The following ARHGAP26 variants were observed in gnomAD, a reference collection of about 807,000 sequenced individuals.
The protein encoded by ARHGAP26 is Rho GTPase activating protein 26.
Under a neutral mutation model 104.8 loss-of-function variants are expected in ARHGAP26, and 38 were observed. The ratio of observed to expected loss-of-function variants is 0.36; its 90% CI spans 0.28 to 0.48. The LOEUF is 0.48. ARHGAP26 is among the 20% of genes least tolerant of loss of function. The pLI is 0.99. For synonymous variants in ARHGAP26, 341 were observed against 340.0 expected, an observed-to-expected ratio of 1.00 and a Z score of -0.03; for missense variants, 704 against 947.9, an observed-to-expected ratio of 0.74 and a Z score of 3.38.
At chr5:142,786,285 A>C (rs1407546306) in intron 1 of ARHGAP26, among the ~76,000 whole-genome samples, 1 of 151,730 alleles carries the variant, frequency 6.6e-6, no homozygotes, top group African/African-American at 2.4e-5. Context: ...TTTGGCCCTA[A>C]TACATTTTTT....
chr5:142,841,868 G>A (rs1225361829), intron 1 of ARHGAP26, among the ~76,000 whole-genome samples: 2 of 152,224 alleles, frequency 1.3e-5, no homozygotes, highest in Non-Finnish European at 2.9e-5. Flanking sequence ...GGGAGGTCCT[G>A]TTGCAGAATT....
chr5:143,027,755 A>G (rs1781273971), intron 12 of ARHGAP26, among the ~76,000 whole-genome samples: 1 of 152,196 alleles, frequency 6.6e-6, no homozygotes, highest in Admixed American at 6.5e-5. Context: ...TCCAGCAGGG[A>G]ATGTGGTATA....
At chr5:142,914,689 G>A (rs980868162) in intron 10 of ARHGAP26, among the ~76,000 whole-genome samples, 3 of 152,168 alleles carry the variant, frequency 2.0e-5, no homozygotes, top group Non-Finnish European at 4.4e-5. Flanking sequence ...AAGAAGAATA[G>A]CATGGGTGTG....
At chr5:142,822,646 G>A (rs1009776863) in intron 1 of ARHGAP26, among the ~76,000 whole-genome samples, 1 of 151,986 alleles carries the variant, frequency 6.6e-6, no homozygotes, top group African/African-American at 2.4e-5. Context: ...CTCACCATGT[G>A]TGTGTATGCA....
chr5:143,215,868 G>A (rs1810267711), intron 22 of ARHGAP26, among the ~76,000 whole-genome samples: 2 of 152,154 alleles, frequency 1.3e-5, no homozygotes, highest in African/African-American at 4.8e-5. Context: ...TCAGTAGATG[G>A]GCACGTTGTT....
In ARHGAP26 at chr5:142,901,964, T is replaced by G. The variant is rs1283535545; in HGVS notation, c.627T>G (p.Thr209=). 1 of 1,614,038 alleles carries G rather than the reference T, an allele frequency of 6.2e-7. No homozygotes were observed. Residue 209 remains threonine, a synonymous_variant, in exon 7 of 23, where the codon ACT becomes ACG. Transcript: ENST00000645722. The part of the protein sequence containing the change: ...PLLAFLQGLF[T]FYHHGYELAK... Reference sequence around the variant, plus strand: ...TGGCCTTCCTGCAAGGACTCTTCACTTTCTATCACCATGGTTACGAACTGG... The same window carrying G: ...TGGCCTTCCTGCAAGGACTCTTCACGTTCTATCACCATGGTTACGAACTGG...
chr5:142,839,878 G>A (rs1193634636), intron 1 of ARHGAP26, among the ~76,000 whole-genome samples: 1 of 136,676 alleles, frequency 7.3e-6, no homozygotes, highest in African/African-American at 2.7e-5. Flanking sequence ...TTTGTGTTGC[G>A]ACAGAGAGAG....
chr5:142,847,297 C>G (rs541840085), intron 1 of ARHGAP26, among the ~76,000 whole-genome samples: 160 of 152,112 alleles, frequency 1.1e-3, no homozygotes, highest in African/African-American at 3.5e-3. Flanking sequence ...ATATACAGAA[C>G]CTGAGCCTTG....
intron 17 of ARHGAP26, among the ~76,000 whole-genome samples, chr5:143,101,674 A>T (rs1255181590): frequency 6.6e-6 from 1 of 151,254 alleles, no homozygotes; most frequent in African/African-American, 2.4e-5. Flanking sequence ...ACAGACACAC[A>T]CACTGTTGCC....
At chr5:143,029,020 G>A (rs1048720688) in intron 12 of ARHGAP26, among the ~76,000 whole-genome samples, 1 of 152,182 alleles carries the variant, frequency 6.6e-6, no homozygotes, top group Non-Finnish European at 1.5e-5. Context: ...TCTGAGAGCT[G>A]CTATCATGAG....
chr5:142,861,843 G>C (rs184735939), intron 1 of ARHGAP26, among the ~76,000 whole-genome samples: 5 of 152,134 alleles, frequency 3.3e-5, no homozygotes, highest in African/African-American at 9.7e-5. Context: ...GATTTTGAAC[G>C]CTGGGAGTCT....
At chr5:142,899,133 C>T (rs1398381222) in intron 6 of ARHGAP26, among the ~76,000 whole-genome samples, 2 of 152,218 alleles carry the variant, frequency 1.3e-5, no homozygotes, top group African/African-American at 4.8e-5. Flanking sequence ...TTTCTAAGGA[C>T]ACCAGCTATG....
intron 11 of ARHGAP26, among the ~76,000 whole-genome samples, chr5:143,002,374 A>G (rs886287460): frequency 8.9e-6 from 1 of 112,250 alleles, no homozygotes; most frequent in Non-Finnish European, 1.8e-5. Context: ...TTCCAAAAAC[A>G]CTGGGTTGGG....
intron 5 of ARHGAP26, among the ~76,000 whole-genome samples, chr5:142,892,383 C>A (rs776775722): frequency 6.6e-6 from 1 of 151,826 alleles, no homozygotes; most frequent in Non-Finnish European, 1.5e-5. Context: ...CCAGCTCTGC[C>A]GTATACTAGC....
At chr5:142,787,220 C>T (rs183783347) in intron 1 of ARHGAP26, among the ~76,000 whole-genome samples, 3 of 152,252 alleles carry the variant, frequency 2.0e-5, no homozygotes, top group East Asian at 3.9e-4. Flanking sequence ...GACCTGATGA[C>T]AGTGTCAAGT....
chr5:142,831,254 G>T (rs1037493191), intron 1 of ARHGAP26, among the ~76,000 whole-genome samples: 1 of 152,074 alleles, frequency 6.6e-6, no homozygotes, highest in Non-Finnish European at 1.5e-5. Context: ...TCTCTGCCTC[G>T]TTCAGGTGCT....
At chr5:142,784,478 G>A (rs1191343360) in intron 1 of ARHGAP26, among the ~76,000 whole-genome samples, 2 of 152,158 alleles carry the variant, frequency 1.3e-5, no homozygotes, top group African/African-American at 4.8e-5. Flanking sequence ...CTTAAATTTT[G>A]CTTGTTTTCC....
chr5:142,847,647 G>A (rs1232181931), intron 1 of ARHGAP26, among the ~76,000 whole-genome samples: 8 of 152,176 alleles, frequency 5.3e-5, no homozygotes, highest in African/African-American at 1.7e-4. Context: ...GTGAGCCACC[G>A]TGCCCGGCCA....
chr5:143,185,494 A>G (rs1431388377), intron 20 of ARHGAP26, among the ~76,000 whole-genome samples: 3 of 152,258 alleles, frequency 2.0e-5, no homozygotes, highest in African/African-American at 7.2e-5. Flanking sequence ...GAAAGAAAGT[A>G]AGCTGGCTCT....
Sources: gnomAD v4.1 joint callset for allele counts (sites outside exome capture counted in the v4.1 genomes callset) on GRCh38, gnomAD v4.1.1 for gene constraint, MANE v1.5 for transcripts, NCBI Gene and HGNC (gene_info 2026-07-23, HGNC 2026-07-21) for gene names.